Variants in GPR19 observed in about 807,000 individuals in gnomAD.
GPR19 encodes the protein G protein-coupled receptor 19.
GPR19 carries 14 observed loss-of-function variants against 28.5 expected under a neutral mutation model. The ratio of observed to expected loss-of-function variants is 0.49; its 90% CI spans 0.32 to 0.77. The LOEUF is 0.77. Among genes scored for constraint, GPR19 ranks in the 30% least tolerant of loss-of-function variants. The pLI, the probability that GPR19 is intolerant of heterozygous loss-of-function variation, is 0.03. For synonymous variants in GPR19, 173 were observed against 184.1 expected, an observed-to-expected ratio of 0.94 and a Z score of 0.49; for missense variants, 409 against 504.1, an observed-to-expected ratio of 0.81 and a Z score of 1.81.
chr12:12,664,842 C>A (rs763180680), intron 3 of GPR19, among the ~76,000 whole-genome samples: 1 of 144,016 alleles, frequency 6.9e-6, no homozygotes, highest in African/African-American at 2.6e-5. Context: ...ATCGCTTGAA[C>A]CCGGGAGGCG....
chr12:12,679,028 C>T (rs1469879758), intron 3 of GPR19, among the ~76,000 whole-genome samples: 1 of 152,114 alleles, frequency 6.6e-6, no homozygotes, highest in African/African-American at 2.4e-5. Flanking sequence ...AACTCCTGAC[C>T]TCGAGTGATC....
chr12:12,671,142 TA>T (rs535517127), intron 3 of GPR19, among the ~76,000 whole-genome samples: 4,955 of 137,500 alleles, frequency 0.036, 98 homozygotes, highest in Middle Eastern at 0.094. Context: ...CTACTAAAAA[TA>T]AAAAAAAAAA....
the GPR19 span, among the ~76,000 whole-genome samples, chr12:12,714,091 C>T: frequency 7.2e-5 from 11 of 152,290 alleles, no homozygotes; most frequent in East Asian, 1.3e-3. Flanking sequence ...ATAGAGGAGG[C>T]ACTCAATAAA....
chr12:12,691,411 T>G (rs1318750816), intron 2 of GPR19, among the ~76,000 whole-genome samples: 1 of 152,118 alleles, frequency 6.6e-6, no homozygotes, highest in African/African-American at 2.4e-5. Context: ...TTCACACTGC[T>G]TGTATTGCCT....
the GPR19 span, among the ~76,000 whole-genome samples, chr12:12,714,898 A>C: frequency 3.9e-5 from 6 of 152,212 alleles, no homozygotes; most frequent in Non-Finnish European, 7.3e-5. Flanking sequence ...GGTCGATGTA[A>C]GCACAGCCTT....
Position 12,661,714 on chromosome 12 carries a change from C to T in GPR19, c.735G>A (p.Lys245=). The part of the protein sequence containing the change: ...PSVLIILFYQ[K]VIKYIWRIGT... ...CTATTCTCCAAATATATTTTATGAC[C>T]TTTTGGTAAAATAAAATTATGAGGA... The change falls in exon 4 of 4, where the codon AAG becomes AAA. Residue 245 remains lysine, a synonymous_variant. Coordinates refer to ENST00000651487, the MANE Select transcript of GPR19 (RefSeq NM_006143.3). This position sits in a 1 kb window ranked among gnomAD's most constrained non-coding sequence, Gnocchi z 4.2. 6.2e-7 allele frequency: 1 copy of T among 1,614,164 alleles called. No homozygotes were observed. Among genetic ancestry groups the T allele is most frequent in the Non-Finnish European group, 8.5e-7 (1 of 1,180,010 alleles).
At chr12:12,677,340 G>A (rs1190063317) in intron 3 of GPR19, among the ~76,000 whole-genome samples, 1 of 151,880 alleles carries the variant, frequency 6.6e-6, no homozygotes, top group Non-Finnish European at 1.5e-5. Context: ...CTGAATAGCT[G>A]GGATTACAGG....
chr12:12,665,878 T>A, intron 3 of GPR19, among the ~76,000 whole-genome samples: 1 of 143,260 alleles, frequency 7.0e-6, no homozygotes, highest in Non-Finnish European at 1.5e-5. Flanking sequence ...CAGTGTGCCA[T>A]ATTATAACTC....
intron 2 of GPR19, among the ~76,000 whole-genome samples, chr12:12,693,563 C>T (rs909271034): frequency 2.6e-5 from 4 of 152,210 alleles, no homozygotes; most frequent in Admixed American, 2.0e-4. Flanking sequence ...GCCTGTGTAT[C>T]CTGGCAATTA....
intron 2 of GPR19, among the ~76,000 whole-genome samples, chr12:12,691,200 G>T (rs1212612170): frequency 1.3e-5 from 2 of 151,876 alleles, no homozygotes; most frequent in African/African-American, 4.8e-5. Flanking sequence ...AAATAAAAAG[G>T]GCTGTTGGTC....
chr12:12,662,405 A>C lies in GPR19; in HGVS notation c.44T>G (p.Ile15Ser), dbSNP rs1344325223. 2 of 1,614,078 alleles carry C rather than the reference A, an allele frequency of 1.2e-6. No individual in the cohort carries two copies. The highest frequency in any genetic ancestry group is 1.7e-6 in the Non-Finnish European group (2 of 1,180,028). The change falls in exon 4 of 4, where the codon ATT becomes AGT. Residue 15 changes from isoleucine (I) to serine (S), a missense_variant. Coordinates refer to ENST00000651487, the MANE Select transcript of GPR19 (RefSeq NM_006143.3). ...HRMDNSKPHL[I>S]IPTLLVPLQN... Reference sequence around the variant, plus strand: ...GAGGGGCACCAGAAGTGTAGGAATAATCAAATGTGGCTTGCTGTTATCCAT... The same window carrying C: ...GAGGGGCACCAGAAGTGTAGGAATACTCAAATGTGGCTTGCTGTTATCCAT...
In GPR19 at chr12:12,662,601, G is replaced by T. The variant is rs376218090; in HGVS notation, c.-22-131C>A. 9.1e-6 allele frequency: 7 copies of T among 765,988 alleles called. No homozygotes were observed. In the African/African-American group the frequency reaches 1.1e-4, roughly 12 times the overall value. The allele number at this position is 765,988 out of a possible 1,614,324, so 47.4% of individuals were successfully genotyped here. On this transcript the variant is annotated intron_variant, in intron 3 of 3. Transcript: ENST00000651487. The stretch of plus-strand genomic sequence containing the variant: ...ATTTGTCTTTGTGTAGGACTTGAGC[G>T]TTGGCAGGAAAACATAACTACTATC...
Position 12,662,326 on chromosome 12 carries a change from C to A in GPR19, c.123G>T (p.Met41Ile). 1 of 1,614,206 alleles carries A rather than the reference C, an allele frequency of 6.2e-7. No homozygotes were observed. Among genetic ancestry groups the A allele is most frequent in the Non-Finnish European group, 8.5e-7 (1 of 1,180,028 alleles). Residue 41 changes from methionine (M) to isoleucine (I), a missense_variant, in exon 4 of 4, where the codon ATG becomes ATT. By Grantham distance (10) the Met-to-Ile change is conservative. Coordinates refer to ENST00000651487, the MANE Select transcript of GPR19 (RefSeq NM_006143.3). ...TATPLPSQYL[M>I]ELSEEHSWMS... ...TCCAACTGTGCTCCTCACTTAATTC[C>A]ATCAGGTATTGGCTTGGCAGAGGTG...
chr12:12,667,519 C>T (rs1170188852), intron 3 of GPR19, among the ~76,000 whole-genome samples: 5 of 151,898 alleles, frequency 3.3e-5, no homozygotes, highest in East Asian at 1.9e-4. Context: ...GGCAAAACCC[C>T]GTCTCTACTA....
At position 12,662,089 on chromosome 12, in the gene GPR19, A is replaced by C. The variant is rs1945684066; in HGVS notation, c.360T>G (p.Pro120=). ...ADLLISVAST[P]FVLLQFTTGR... ...CAGTGGTGAACTGGAGCAGGACGAA[A>C]GGCGTGCTGGCAACGCTGATGAGAA... The change falls in exon 4 of 4, where the codon CCT becomes CCG. Residue 120 remains proline, a synonymous_variant. Transcript: ENST00000651487. 6.2e-7 allele frequency: 1 copy of C among 1,614,244 alleles called. No individual in the cohort carries two copies. The highest frequency in any genetic ancestry group is 1.1e-5 in the South Asian group (1 of 91,084).
intron 3 of GPR19, among the ~76,000 whole-genome samples, chr12:12,669,278 G>A (rs1285610929): frequency 6.6e-6 from 1 of 152,212 alleles, no homozygotes; most frequent in Admixed American, 6.5e-5. Context: ...AGAATAAAGA[G>A]TGTGAGAGTA....
At chr12:12,717,222 G>GC in the GPR19 span, 1 of 1,050,368 alleles carries the variant, frequency 9.5e-7, no homozygotes, top group Non-Finnish European at 1.1e-6. Flanking sequence ...TCGGGGAGGC[G>GC]GCGCGCTCGG....
upstream of GPR19, chr12:12,696,339 C>CTTTT (rs578240364): frequency 2.3e-5 from 2 of 88,686 alleles, no homozygotes; most frequent in Admixed American, 1.4e-4. Flanking sequence ...CCCACCCGCC[C>CTTTT]TTTTTTTTTT....
In GPR19 at chr12:12,662,123, C is replaced by T. The variant is rs1945684948; in HGVS notation, c.326G>A (p.Cys109Tyr). The T allele has an allele frequency of 6.2e-7, 1 of 1,614,102 alleles. No individual in the cohort carries two copies. The highest frequency in any genetic ancestry group is 1.3e-5 in the African/African-American group (1 of 74,948). Residue 109 changes from cysteine to tyrosine, a missense_variant, in exon 4 of 4, where the codon TGT becomes TAT. By Grantham distance (194) the Cys-to-Tyr change is radical. Transcript: ENST00000651487. ...GGCAACGCTGATGAGAAGGTCAGCA[C>T]ATGCCATGGAGACCACAAAGTAGTT... ...TTNYFVVSMA[C>Y]ADLLISVAST...
Sources: allele counts gnomAD v4.1 joint callset (sites outside exome capture counted in the v4.1 genomes callset), GRCh38; gene constraint gnomAD v4.1.1; non-coding constraint Gnocchi (gnomAD v3.1); transcripts MANE v1.5; gene names NCBI Gene and HGNC (gene_info 2026-07-23, HGNC 2026-07-21).